Variants in MEF2C observed in about 807,000 individuals in gnomAD.
MEF2C encodes the protein myocyte enhancer factor 2C.
A neutral mutation model predicts 50.5 loss-of-function variants in MEF2C; 6 were observed. The ratio of observed to expected loss-of-function variants is 0.12; its 90% CI spans 0.07 to 0.23. MEF2C has a LOEUF of 0.23. Among genes scored for constraint, MEF2C ranks in the 10% least tolerant of loss-of-function variants. MEF2C has a pLI of 1.00. For synonymous variants in MEF2C, 183 were observed against 228.0 expected, an observed-to-expected ratio of 0.80 and a Z score of 1.78; for missense variants, 276 against 605.0, an observed-to-expected ratio of 0.46 and a Z score of 5.70.
At chr5:88,764,519 G>A (rs539455228) in intron 3 of MEF2C, among the ~76,000 whole-genome samples, 2 of 152,150 alleles carry the variant, frequency 1.3e-5, no homozygotes, top group African/African-American at 4.8e-5. Flanking sequence ...AATAAATGAA[G>A]TAGAAATTGT....
chr5:88,819,242 ATATT>A (rs1373861515), intron 2 of MEF2C: 5 of 560,364 alleles, frequency 8.9e-6, no homozygotes, highest in Non-Finnish European at 1.1e-5. Flanking sequence ...CTTAGTTATT[ATATT>A]ACACTAGATG....
chr5:88,759,731 A>G (rs1370842438), intron 4 of MEF2C, among the ~76,000 whole-genome samples: 1 of 152,254 alleles, frequency 6.6e-6, no homozygotes, highest in Non-Finnish European at 1.5e-5. Flanking sequence ...GATACAGTGT[A>G]TTAATAATTC....
In MEF2C at chr5:88,718,371, T is replaced by A. The variant is rs1197310494; in HGVS notation, c.*4233A>T. ...GACAGCTGAATTAAGTCCCTTGAGA[T>A]ACACAGATGTGGTTTAACTTAGTTA... On this transcript the variant is annotated 3_prime_UTR_variant, in exon 11 of 11. Coordinates refer to ENST00000504921, the MANE Select transcript of MEF2C (RefSeq NM_002397.5). 1.3e-5 allele frequency: 2 copies of A among 152,240 alleles called. No homozygotes were observed. The highest frequency in any genetic ancestry group is 1.3e-4 in the Admixed American group (2 of 15,282). 9.4% of individuals were successfully genotyped at this position (152,240 alleles called of 1,614,324 possible). A position where few individuals can be genotyped will look rare whatever the true frequency, so the allele number is the denominator to read the frequency against.
intron 8 of MEF2C, 71 bp downstream of exon 8, chr5:88,730,140 A>T (rs1028913902): frequency 2.0e-5 from 30 of 1,492,354 alleles, no homozygotes; most frequent in Non-Finnish European, 2.7e-5. Context: ...TTCCAATTTT[A>T]TCAAAGCTAC....
intron 1 of MEF2C, among the ~76,000 whole-genome samples, chr5:88,851,015 T>C (rs1821123726): frequency 6.6e-6 from 1 of 152,082 alleles, no homozygotes; most frequent in Non-Finnish European, 1.5e-5. Flanking sequence ...CCTAGCCTAC[T>C]TTCTTGTAAG....
At chr5:88,869,278 C>CACATAT (rs1828563733) in intron 1 of MEF2C, among the ~76,000 whole-genome samples, 2 of 48,602 alleles carry the variant, frequency 4.1e-5, no homozygotes, top group Admixed American at 2.6e-4. Context: ...TATATATATA[C>CACATAT]ATATATATAT....
intron 3 of MEF2C, among the ~76,000 whole-genome samples, chr5:88,785,881 A>G (rs919362988): frequency 6.6e-6 from 1 of 151,844 alleles, no homozygotes; most frequent in African/African-American, 2.4e-5. Flanking sequence ...GTTTATTGGC[A>G]CCTAGAAGTC....
At chr5:88,862,051 C>CT (rs1266635043) in intron 1 of MEF2C, among the ~76,000 whole-genome samples, 7 of 152,220 alleles carry the variant, frequency 4.6e-5, no homozygotes, top group African/African-American at 1.4e-4. Flanking sequence ...TGAAACAGGT[C>CT]TTTTTTCATT....
rs1582018297 is a variant in MEF2C at position 88,891,242 on chromosome 5, A to G, written c.-239-3644T>C. On this transcript the variant is annotated intron_variant, in intron 1 of 11. Coordinates refer to the MEF2C transcript ENST00000340208. Reference sequence around the variant, plus strand: ...GGATTATCCTCTTAAAGAGCTAAAAAGCATTCTTAAGGTCAGGGAGGAAAG... The same window carrying G: ...GGATTATCCTCTTAAAGAGCTAAAAGGCATTCTTAAGGTCAGGGAGGAAAG... Among the ~76,000 whole-genome samples, 3 of 152,356 alleles carry G rather than the reference A, an allele frequency of 2.0e-5. No individual in the cohort carries two copies. The East Asian group carries it at 5.8e-4, about 29-fold the overall frequency.
chr5:88,795,341 C>T (rs1795578898), intron 3 of MEF2C, among the ~76,000 whole-genome samples: 1 of 152,080 alleles, frequency 6.6e-6, no homozygotes, highest in South Asian at 2.1e-4. Context: ...GTGCAGTTCT[C>T]CTTGAAGAGG....
intron 3 of MEF2C, among the ~76,000 whole-genome samples, chr5:88,784,655 TA>T (rs1449709892): frequency 1.3e-5 from 2 of 152,172 alleles, no homozygotes; most frequent in Non-Finnish European, 2.9e-5. Context: ...CAGAAATGAA[TA>T]ATATAATATC....
At chr5:88,873,135 T>G (rs183220497) in intron 1 of MEF2C, among the ~76,000 whole-genome samples, 1 of 152,120 alleles carries the variant, frequency 6.6e-6, no homozygotes. Flanking sequence ...ATAATGTGGT[T>G]GACCTTGTCC....
At chr5:88,735,851 G>GTAGC in intron 6 of MEF2C, 1 of 985,400 alleles carries the variant, frequency 1.0e-6, no homozygotes, top group Non-Finnish European at 1.2e-6. Context: ...ACTTGAACAT[G>GTAGC]TAGCTCTCTT....
chr5:88,777,248 A>C (rs1785203837), intron 3 of MEF2C, among the ~76,000 whole-genome samples: 1 of 152,106 alleles, frequency 6.6e-6, no homozygotes, highest in Non-Finnish European at 1.5e-5. Context: ...CATCACTATC[A>C]AAATATTAAT....
At chr5:88,808,490 A>G (rs908875880) in intron 2 of MEF2C, among the ~76,000 whole-genome samples, 1 of 152,162 alleles carries the variant, frequency 6.6e-6, no homozygotes, top group Non-Finnish European at 1.5e-5. Context: ...TTGTGTAACC[A>G]AATAGGCTGC....
chr5:88,754,460 A>G (rs1460418659), intron 4 of MEF2C, among the ~76,000 whole-genome samples: 1 of 152,138 alleles, frequency 6.6e-6, no homozygotes, highest in Non-Finnish European at 1.5e-5. Flanking sequence ...GTCTTCAATT[A>G]CCCTTTAGAG....
At chr5:88,756,019 T>G (rs1283882458) in intron 4 of MEF2C, among the ~76,000 whole-genome samples, 2 of 152,212 alleles carry the variant, frequency 1.3e-5, no homozygotes, top group Non-Finnish European at 2.9e-5. Flanking sequence ...TAAAACTACT[T>G]TGTGATTGGC....
chr5:88,868,165 GA>G (rs1353258100), intron 1 of MEF2C, among the ~76,000 whole-genome samples: 1 of 152,098 alleles, frequency 6.6e-6, no homozygotes, highest in East Asian at 1.9e-4. Flanking sequence ...GGAGAACCAG[GA>G]AAATTTCACG....
In MEF2C at chr5:88,724,346, T is replaced by C. The variant is rs572742386; in HGVS notation, c.1101-1421A>G. Among the ~76,000 whole-genome samples, 67 of 152,270 alleles carry C rather than the reference T, an allele frequency of 4.4e-4. 1 individual carries two copies. Among genetic ancestry groups the C allele is most frequent in the African/African-American group, 1.6e-3 (65 of 41,572 alleles). ...AATACAAACTCAAGATGTATAGTGA[T>C]ATAAAATTAGTCAGAAACGAGTTTA... On this transcript the variant is annotated intron_variant, in intron 10 of 10. Transcript: ENST00000504921.
Sources: gnomAD v4.1 joint callset for allele counts (sites outside exome capture counted in the v4.1 genomes callset) on GRCh38, gnomAD v4.1.1 for gene constraint, MANE v1.5 for transcripts, NCBI Gene and HGNC (gene_info 2026-07-23, HGNC 2026-07-21) for gene names.